Variants in ARSD observed in about 807,000 individuals in gnomAD.
The protein encoded by ARSD is arylsulfatase D.
Under a neutral mutation model 32.6 loss-of-function variants are expected in ARSD, and 21 were observed. That is an observed-to-expected ratio of 0.64 (90% CI 0.46 to 0.93). The LOEUF (loss-of-function observed/expected upper bound fraction) is 0.93, where lower values mean the gene tolerates loss of function less well. ARSD is among the 40% of genes least tolerant of loss of function. ARSD has a pLI of 0.00. For missense variants in ARSD, 454 were observed against 520.9 expected (o/e 0.87, Z 1.25); for synonymous variants, 224 against 237.4 (o/e 0.94, Z 0.52).
rs1196439848 is a variant in ARSD, at chrX:2,907,208, C to T, written c.*63G>A. Reference sequence around the variant, plus strand: ...AAGGGAAGCTGAAGATAGAACCAAGCTTGGAGAATTTTGTTTGCAACGCAG... The same window carrying T: ...AAGGGAAGCTGAAGATAGAACCAAGTTTGGAGAATTTTGTTTGCAACGCAG... On this transcript the variant is annotated 3_prime_UTR_variant, in exon 10 of 10. Transcript: ENST00000381154. 4 of 1,086,341 alleles carry T rather than the reference C, an allele frequency of 3.7e-6. No homozygotes were observed. The highest frequency in any genetic ancestry group is 1.8e-5 in the African/African-American group (1 of 54,471). The allele number at this position is 1,086,341 out of a possible 1,213,427, so 89.5% of individuals were successfully genotyped here. A position where few individuals can be genotyped will look rare whatever the true frequency, so the allele number is the denominator to read the frequency against.
At chrX:2,922,836 G>A (rs1225449557) in intron 2 of ARSD, among the ~76,000 whole-genome samples, 2 of 51,879 alleles carry the variant, frequency 3.9e-5, no homozygotes, top group South Asian at 1.0e-3. Context: ...GAGTGAGACC[G>A]TGTCTCAAAA....
rs1312322800 is a variant in ARSD, at chrX:2,904,504, G to A, written c.*2767C>T. 2 of 112,170 alleles carry A rather than the reference G, an allele frequency of 1.8e-5. No homozygotes were observed. The highest frequency in any genetic ancestry group is 9.6e-5 in the Admixed American group (1 of 10,469). 9.2% of individuals were successfully genotyped at this position (112,170 alleles called of 1,213,427 possible). ...CACAGGAGCCCGTTAGTCAACTGAA[G>A]CTGGTTCATGGCTCTCTTCTTCAGG... On this transcript the variant is annotated 3_prime_UTR_variant, in exon 10 of 10. Coordinates refer to ENST00000381154, the MANE Select transcript of ARSD (RefSeq NM_001669.4).
rs2089068584 is a variant in ARSD, at chrX:2,925,045, T to C, written c.194+571A>G. On this transcript the variant is annotated intron_variant, in intron 2 of 9. Transcript: ENST00000381154. ...CCCATCTCTGAAAACGGTCACACCC[T>C]GAAGTACCGGCGGTTAGGGCTTCAA... Among the ~76,000 whole-genome samples, 3 of 112,739 alleles carry C rather than the reference T, an allele frequency of 2.7e-5. No homozygotes were observed. The South Asian group carries it at 1.1e-3, about 41-fold the overall frequency.
rs1194330774 is a variant in ARSD at position 2,907,049 on chromosome X, G to A, written c.*222C>T. On this transcript the variant is annotated 3_prime_UTR_variant, in exon 10 of 10. Coordinates refer to ENST00000381154, the MANE Select transcript of ARSD (RefSeq NM_001669.4). ...GGAAAATCGCTTGAACCCGGGAGGC[G>A]GAGGTTGCAGTGAGCAGAGATCGTG... 6 of 335,138 alleles carry A rather than the reference G, an allele frequency of 1.8e-5. No individual in the cohort carries two copies. Among genetic ancestry groups the A allele is most frequent in the African/African-American group, 8.0e-5 (3 of 37,640 alleles). 27.6% of individuals were successfully genotyped at this position (335,138 alleles called of 1,213,427 possible). A position where few individuals can be genotyped will look rare whatever the true frequency, so the allele number is the denominator to read the frequency against.
At chrX:2,927,554 A>C (rs1477815256) in intron 1 of ARSD, among the ~76,000 whole-genome samples, 1 of 111,883 alleles carries the variant, frequency 8.9e-6, no homozygotes, top group Non-Finnish European at 1.9e-5. Context: ...CGGCCTCCCA[A>C]AGTGCTGGGA....
At chrX:2,929,021 G>A (rs2089122657) in intron 1 of ARSD, among the ~76,000 whole-genome samples, 1 of 110,581 alleles carries the variant, frequency 9.0e-6, no homozygotes. Flanking sequence ...CCCCTCAGTC[G>A]CCCCCCATCC....
At chrX:2,922,668 C>T (rs1045489651) in intron 2 of ARSD, among the ~76,000 whole-genome samples, 5 of 107,229 alleles carry the variant, frequency 4.7e-5, no homozygotes, top group Non-Finnish European at 9.6e-5. Context: ...AACCCCGTCT[C>T]TACTAAAAAA....
chrX:2,917,962 G>T lies in ARSD; in HGVS notation c.705C>A (p.Gly235=). ...AAGAGATGAAAAACAGGCAGCCCAC[G>T]CCGGCCATGCCGGTGACTGCTCTCG... is the stretch of plus-strand genomic sequence containing the variant. ...VSARAVTGMA[G]VGCLFFISWY... is the part of the protein sequence containing the mutation. Residue 235 remains glycine (G), a synonymous_variant, in exon 5 of 10, where the codon GGC becomes GGA. Coordinates refer to ENST00000381154, the MANE Select transcript of ARSD (RefSeq NM_001669.4). The T allele has an allele frequency of 8.3e-7, 1 of 1,211,319 alleles. No homozygotes were observed. Among genetic ancestry groups the T allele is most frequent in the South Asian group, 1.8e-5 (1 of 56,807 alleles).
At chrX:2,921,150 C>T (rs1419528506) in intron 3 of ARSD, among the ~76,000 whole-genome samples, 2 of 111,207 alleles carry the variant, frequency 1.8e-5, no homozygotes, top group Non-Finnish European at 3.8e-5. Flanking sequence ...AGACACCCCA[C>T]CTTAGGATGA....
intron 7 of ARSD, 125 bp downstream of exon 7, chrX:2,910,526 TGTACTACA>T: frequency 1.1e-6 from 1 of 914,340 alleles, no homozygotes; most frequent in Non-Finnish European, 1.6e-6. Context: ...AGGTAGAACT[TGTACTACA>T]GTAGGTGCTC....
intron 6 of ARSD, chrX:2,913,755 T>C: frequency 1.1e-6 from 1 of 921,543 alleles, no homozygotes; most frequent in African/African-American, 2.1e-5. Context: ...TGGATGTGTG[T>C]CCCCGCCCAA....
At position 2,907,447 on chromosome X, in the gene ARSD, G is replaced by C. The variant is rs781022761; in HGVS notation, c.1606C>G (p.Leu536Val). ...ARPLTPDSEP[L>V]YHAVIARVGA... is the part of the protein sequence containing the mutation. ...ACCCTTGCTATCACGGCGTGGTACA[G>C]GGGCTCGGAGTCGGGGGTCAGGGGC... is the stretch of plus-strand genomic sequence containing the variant. The change falls in exon 10 of 10, where the codon CTG becomes GTG. Residue 536 changes from leucine to valine, a missense_variant. Leu to Val is a conservative substitution (Grantham distance 32, BLOSUM62 1). Transcript: ENST00000381154. 7 of 1,209,716 alleles carry C rather than the reference G, an allele frequency of 5.8e-6. No homozygotes were observed. In the Admixed American group the frequency reaches 1.5e-4, roughly 26 times the overall value.
intron 6 of ARSD, among the ~76,000 whole-genome samples, chrX:2,913,222 A>G (rs1184598992): frequency 1.8e-5 from 2 of 112,378 alleles, no homozygotes; most frequent in African/African-American, 6.5e-5. Context: ...AATAGAAAGG[A>G]ATGTCTGGGT....
At chrX:2,916,765 C>G (rs2088964921) in intron 5 of ARSD, among the ~76,000 whole-genome samples, 2 of 111,227 alleles carry the variant, frequency 1.8e-5, no homozygotes, top group South Asian at 7.6e-4. Flanking sequence ...TTAAAGAGTA[C>G]AAACATACAG....
At chrX:2,926,449 G>T (rs1047562669) in intron 1 of ARSD, among the ~76,000 whole-genome samples, 3 of 112,051 alleles carry the variant, frequency 2.7e-5, no homozygotes, top group African/African-American at 9.7e-5. Flanking sequence ...CAGAACTCTT[G>T]GTGTGCTTTT....
At position 2,908,630 on chromosome X, in the gene ARSD, TCATC is replaced by T. The variant is rs1173410601; in HGVS notation, c.1420+87_1420+90del. ...TCCACCCATCCATCCATCCATCCAT[TCATC>T]CATCCATCCATCCATCCATCCACAT... On this transcript the variant is annotated intron_variant, in intron 9 of 9. Coordinates refer to ENST00000381154, the MANE Select transcript of ARSD (RefSeq NM_001669.4). 2.5e-4 allele frequency: 221 copies of T among 880,703 alleles called. 1 individual carries two copies. Among genetic ancestry groups the T allele is most frequent in the Non-Finnish European group, 2.8e-4 (182 of 659,107 alleles). 72.6% of individuals were successfully genotyped at this position (880,703 alleles called of 1,213,427 possible).
At chrX:2,928,113 C>T (rs1437436725) in intron 1 of ARSD, among the ~76,000 whole-genome samples, 1 of 110,976 alleles carries the variant, frequency 9.0e-6, no homozygotes, top group Non-Finnish European at 1.9e-5. Context: ...CGACCCTCTA[C>T]CGGTGGCACT....
chrX:2,908,022 T>G, intron 9 of ARSD: 1 of 719,906 alleles, frequency 1.4e-6, no homozygotes. Context: ...AACAGCATGA[T>G]TGGGTACTTA....
Position 2,922,112 on chromosome X carries a change from T to C in ARSD, c.195-88A>G, listed in dbSNP as rs2089034569. ...CTGCTCTGAAAGGCACAGGAATAGCTGCAAGGACTTCACCGGATTTCAGAA... is the reference window on the plus strand; with the variant it reads ...CTGCTCTGAAAGGCACAGGAATAGCCGCAAGGACTTCACCGGATTTCAGAA... On this transcript the variant is annotated intron_variant, in intron 2 of 9. Transcript: ENST00000381154. 3.8e-6 allele frequency: 4 copies of C among 1,051,007 alleles called. No individual in the cohort carries two copies. The South Asian group carries it at 9.6e-5, about 25-fold the overall frequency. The allele number at this position is 1,051,007 out of a possible 1,213,427, so 86.6% of individuals were successfully genotyped here.
Sources: gnomAD v4.1 joint callset for allele counts (sites outside exome capture counted in the v4.1 genomes callset) on GRCh38, gnomAD v4.1.1 for gene constraint, MANE v1.5 for transcripts, NCBI Gene and HGNC (gene_info 2026-07-23, HGNC 2026-07-21) for gene names.